TMEM87A: variants seen among roughly 807,000 people sequenced by gnomAD.
The protein encoded by TMEM87A is transmembrane protein 87A.
In TMEM87A, 50 loss-of-function variants were observed where a neutral mutation model predicts 90.0. That is an observed-to-expected ratio of 0.56 (90% CI 0.44 to 0.70). The LOEUF (loss-of-function observed/expected upper bound fraction) is 0.70. Among genes scored for constraint, TMEM87A ranks in the 30% least tolerant of loss-of-function variants. TMEM87A has a pLI of 0.00. For missense variants in TMEM87A, 577 were observed against 660.5 expected (o/e 0.87, Z 1.39); for synonymous variants, 226 against 226.7 (o/e 1.00, Z 0.03).
rs774899799 is a variant in TMEM87A, at chr15:42,236,403, G to C, written c.885C>G (p.Ile295Met). ...TCACTGCTGAAAGCAGCTCTGCAAGGATCAAAGCACCCTGGACTATGAAAA... is the reference window on the plus strand; with the variant it reads ...TCACTGCTGAAAGCAGCTCTGCAAGCATCAAAGCACCCTGGACTATGAAAA... ...YKGESVQGALILAELLSAVKR... is the reference protein window; with the variant it reads ...YKGESVQGALMLAELLSAVKR... Residue 295 changes from isoleucine to methionine, a missense_variant, in exon 10 of 20, where the codon ATC becomes ATG. Ile to Met is a conservative substitution (Grantham distance 10). Coordinates refer to ENST00000389834, the MANE Select transcript of TMEM87A (RefSeq NM_015497.5). The C allele has an allele frequency of 6.8e-6, 11 of 1,613,932 alleles. No homozygotes were observed. The highest frequency in any genetic ancestry group is 9.3e-6 in the Non-Finnish European group (11 of 1,179,958).
At chr15:42,246,630 T>A (rs1410548376) in intron 6 of TMEM87A, among the ~76,000 whole-genome samples, 1 of 152,208 alleles carries the variant, frequency 6.6e-6, no homozygotes, top group African/African-American at 2.4e-5. Context: ...AACTCATCCT[T>A]TTTTATGGCT....
chr15:42,262,618 T>C (rs1447108392), intron 4 of TMEM87A, among the ~76,000 whole-genome samples: 2 of 152,086 alleles, frequency 1.3e-5, no homozygotes, highest in Non-Finnish European at 2.9e-5. Context: ...GGTTTCACCA[T>C]GTTGGCCAGG....
At position 42,231,919 on chromosome 15, in the gene TMEM87A, T is replaced by C. The variant is rs147058251; in HGVS notation, c.1063-659A>G. On this transcript the variant is annotated intron_variant, in intron 11 of 19. Transcript: ENST00000389834. Reference sequence around the variant, plus strand: ...GAGTCAAGGGATAAGAAAAATACTATAGCAACAGCAGAAGAAAGAAAATGA... The same window carrying C: ...GAGTCAAGGGATAAGAAAAATACTACAGCAACAGCAGAAGAAAGAAAATGA... 3,063 of 1,265,286 alleles carry C rather than the reference T, an allele frequency of 2.4e-3. 11 individuals are homozygous for C. In the Middle Eastern group the frequency reaches 0.027, roughly 11 times the overall value. 78.4% of individuals were successfully genotyped at this position (1,265,286 alleles called of 1,614,324 possible).
intron 19 of TMEM87A, among the ~76,000 whole-genome samples, chr15:42,217,521 G>A (rs2050402934): frequency 6.6e-6 from 1 of 152,112 alleles, no homozygotes; most frequent in Admixed American, 6.5e-5. Flanking sequence ...AGAACTAGAT[G>A]GTGGAGAGTA....
intron 1 of TMEM87A, chr15:42,273,010 T>C (rs1156477692): frequency 7.6e-6 from 5 of 654,936 alleles, no homozygotes; most frequent in Admixed American, 2.1e-5. Flanking sequence ...GTTTTTCTGA[T>C]GAGAAGCCGC....
At chr15:42,226,932 A>C in intron 14 of TMEM87A, 23 bp from the exon 15 acceptor site, 1 of 1,594,462 alleles carries the variant, frequency 6.3e-7, no homozygotes, top group Non-Finnish European at 8.6e-7. Flanking sequence ...GGAGAAGTAC[A>C]ACATTTATAC....
At chr15:42,240,891 G>C (rs977070098) in intron 7 of TMEM87A, among the ~76,000 whole-genome samples, 1 of 152,114 alleles carries the variant, frequency 6.6e-6, no homozygotes, top group Admixed American at 6.6e-5. Context: ...TTCAATAAAA[G>C]AGTAAACAAA....
chr15:42,233,231 C>G lies in TMEM87A; in HGVS notation c.1044G>C (p.Gly348=). Reference sequence around the variant, plus strand: ...TACTAACCCCAGTAACTCTGAGGACCCCTTCCATGCCAGAGAACAAAAGAT... The same window carrying G: ...TACTAACCCCAGTAACTCTGAGGACGCCTTCCATGCCAGAGAACAAAAGAT... The part of the protein sequence containing the change: ...ALYLLFSGME[G]VLRVTGAQTD... Residue 348 remains glycine, a synonymous_variant, in exon 11 of 20, where the codon GGG becomes GGC. Coordinates refer to ENST00000389834, the MANE Select transcript of TMEM87A (RefSeq NM_015497.5). The G allele has an allele frequency of 1.2e-6, 2 of 1,613,824 alleles. No homozygotes were observed. Among genetic ancestry groups the G allele is most frequent in the African/African-American group, 2.7e-5 (2 of 74,974 alleles).
chr15:42,273,143 C>G lies in TMEM87A; in HGVS notation c.144+112G>C. On this transcript the variant is annotated intron_variant, in intron 1 of 19. Transcript: ENST00000389834. ...TGGCTAGCCACACAGACCATCCCAG[C>G]AACCCCACCCCTTTTGAAGAGACTT... 8.7e-6 allele frequency: 12 copies of G among 1,372,406 alleles called. No homozygotes were observed. The South Asian group carries it at 1.6e-4, about 18-fold the overall frequency. 85.0% of individuals were successfully genotyped at this position (1,372,406 alleles called of 1,614,324 possible). A position where few individuals can be genotyped will look rare whatever the true frequency, so the allele number is the denominator to read the frequency against.
intron 12 of TMEM87A, among the ~76,000 whole-genome samples, chr15:42,230,691 A>G (rs1351016072): frequency 2.0e-5 from 3 of 152,244 alleles, no homozygotes; most frequent in African/African-American, 7.2e-5. Context: ...GAATGAGGCA[A>G]GAAAACACTC....
intron 6 of TMEM87A, among the ~76,000 whole-genome samples, chr15:42,245,774 C>T (rs1351803767): frequency 6.6e-6 from 1 of 152,022 alleles, no homozygotes; most frequent in Non-Finnish European, 1.5e-5. Context: ...TCAGGTGATC[C>T]ACCCACCTTG....
intron 19 of TMEM87A, among the ~76,000 whole-genome samples, chr15:42,212,217 ACATTT>A (rs970824701): frequency 2.0e-5 from 3 of 152,214 alleles, no homozygotes; most frequent in African/African-American, 7.2e-5. Context: ...AAATAAAATT[ACATTT>A]AATTTAATAT....
rs1045617458 is a variant in TMEM87A at position 42,210,858 on chromosome 15, A to C, written c.*850T>G. The C allele has an allele frequency of 6.6e-6, 1 of 152,648 alleles. No homozygotes were observed. Among genetic ancestry groups the C allele is most frequent in the Non-Finnish European group, 1.5e-5 (1 of 68,040 alleles). The allele number at this position is 152,648 out of a possible 1,614,324, so 9.5% of individuals were successfully genotyped here. On this transcript the variant is annotated 3_prime_UTR_variant, in exon 20 of 20. Coordinates refer to ENST00000389834, the MANE Select transcript of TMEM87A (RefSeq NM_015497.5). ...CTCTAGCACGGTGCTCAATCACAGC[A>C]CTTGGAGCACCTCTCTGCATAAAGG...
At chr15:42,266,286 C>T (rs896745839) in intron 3 of TMEM87A, among the ~76,000 whole-genome samples, 1 of 152,140 alleles carries the variant, frequency 6.6e-6, no homozygotes, top group Admixed American at 6.5e-5. Flanking sequence ...GAGACTGAGG[C>T]AGGTGGATCA....
intron 16 of TMEM87A, 80 bp downstream of exon 16, chr15:42,219,980 AAC>A (rs2050445943): frequency 6.2e-6 from 8 of 1,298,302 alleles, no homozygotes; most frequent in Admixed American, 2.4e-5. Context: ...ATATAGGAAC[AAC>A]ACAGTTATAA....
intron 6 of TMEM87A, among the ~76,000 whole-genome samples, chr15:42,259,718 C>T (rs1445913049): frequency 1.3e-5 from 2 of 152,142 alleles, no homozygotes; most frequent in African/African-American, 4.8e-5. Context: ...GGGCTGTGCA[C>T]ACATGCCCAG....
At chr15:42,219,861 C>A (rs1158582646) in intron 16 of TMEM87A, among the ~76,000 whole-genome samples, 2 of 152,272 alleles carry the variant, frequency 1.3e-5, no homozygotes, top group South Asian at 4.1e-4. Flanking sequence ...TAGCTCACTT[C>A]TAGCAAGTAA....
chr15:42,268,052 T>C lies in TMEM87A; in HGVS notation c.206-20A>G. 1 of 1,601,316 alleles carries C rather than the reference T, an allele frequency of 6.2e-7. No homozygotes were observed. The highest frequency in any genetic ancestry group is 8.5e-7 in the Non-Finnish European group (1 of 1,170,174). On this transcript the variant is annotated intron_variant, in intron 2 of 19. Transcript: ENST00000389834. Reference sequence around the variant, plus strand: ...CATCAACTACAAAAGAAGAAATCTTTGTTAACAAAAGATAATTCCCCAACA... The same window carrying C: ...CATCAACTACAAAAGAAGAAATCTTCGTTAACAAAAGATAATTCCCCAACA...
intron 14 of TMEM87A, 127 bp from the exon 15 acceptor site, chr15:42,227,036 G>C: frequency 1.2e-6 from 1 of 851,930 alleles, no homozygotes; most frequent in South Asian, 1.6e-5. Context: ...AGCCTGCTAC[G>C]TGCTCAGTAC....
Sources: gnomAD v4.1 joint callset for allele counts (sites outside exome capture counted in the v4.1 genomes callset) on GRCh38, gnomAD v4.1.1 for gene constraint, MANE v1.5 for transcripts, NCBI Gene and HGNC (gene_info 2026-07-23, HGNC 2026-07-21) for gene names.